Variants in ARMH3 observed in about 807,000 individuals in gnomAD.
The protein encoded by ARMH3 is armadillo like helical domain containing 3, also known as armadillo-like helical domain-containing protein 3.
A neutral mutation model predicts 99.1 loss-of-function variants in ARMH3; 60 were observed. That is an observed-to-expected ratio of 0.61 (90% CI 0.49 to 0.75). ARMH3 has a LOEUF of 0.75. Among genes scored for constraint, ARMH3 ranks in the 30% least tolerant of loss-of-function variants. The pLI, the probability that ARMH3 is intolerant of heterozygous loss-of-function variation, is 0.00. For missense variants in ARMH3, 679 were observed against 843.1 expected, an observed-to-expected ratio of 0.81 and a Z score of 2.41; for synonymous variants, 285 against 292.8, an observed-to-expected ratio of 0.97 and a Z score of 0.27.
At chr10:101,962,308 A>G (rs1296112767) in intron 20 of ARMH3, among the ~76,000 whole-genome samples, 1 of 152,228 alleles carries the variant, frequency 6.6e-6, no homozygotes, top group African/African-American at 2.4e-5. Flanking sequence ...GAAGAGACAC[A>G]TCACAGAGGA....
intron 1 of ARMH3, among the ~76,000 whole-genome samples, chr10:102,048,809 C>T (rs1590238721): frequency 1.3e-5 from 2 of 152,220 alleles, no homozygotes; most frequent in Middle Eastern, 6.8e-3. Context: ...CTAAAAATTC[C>T]CTAGTTTCTC....
intron 22 of ARMH3, among the ~76,000 whole-genome samples, chr10:101,942,428 AC>A (rs1844283353): frequency 6.6e-6 from 1 of 152,194 alleles, no homozygotes; most frequent in African/African-American, 2.4e-5. Context: ...ATTGGTAATT[AC>A]CTTTGATTTT....
At chr10:102,048,243 CCATTT>C (rs1271462996) in intron 1 of ARMH3, among the ~76,000 whole-genome samples, 2 of 152,148 alleles carry the variant, frequency 1.3e-5, no homozygotes, top group East Asian at 3.8e-4. Context: ...GGACTGTAGC[CCATTT>C]CCCCATATGT....
chr10:102,033,386 A>G, intron 2 of ARMH3, 47 bp from the exon 3 acceptor site: 1 of 1,565,724 alleles, frequency 6.4e-7, no homozygotes, highest in Non-Finnish European at 8.7e-7. Flanking sequence ...CTAACACCAA[A>G]AGCATTAAGA....
At chr10:102,015,995 C>T (rs540312428) in intron 8 of ARMH3, among the ~76,000 whole-genome samples, 1 of 152,186 alleles carries the variant, frequency 6.6e-6, no homozygotes, top group Admixed American at 6.5e-5. Context: ...GCTAGCCAGG[C>T]ATAGTGGCAC....
chr10:101,991,880 A>T (rs1846812530), intron 18 of ARMH3, 89 bp downstream of exon 18: 2 of 1,185,140 alleles, frequency 1.7e-6, no homozygotes. Flanking sequence ...TTGCGGAAGA[A>T]GCACATCAAA....
chr10:101,907,664 G>A (rs1169470591), intron 23 of ARMH3, among the ~76,000 whole-genome samples: 23 of 152,128 alleles, frequency 1.5e-4, no homozygotes, highest in African/African-American at 4.8e-4. Flanking sequence ...GATTACAGGC[G>A]TGAGCCACCG....
chr10:101,986,139 A>G (rs976741101), intron 19 of ARMH3, among the ~76,000 whole-genome samples: 1 of 152,186 alleles, frequency 6.6e-6, no homozygotes, highest in African/African-American at 2.4e-5. Flanking sequence ...TCATGCTTGT[A>G]GCAATTTCCT....
intron 1 of ARMH3, among the ~76,000 whole-genome samples, chr10:102,044,777 C>T (rs1251730106): frequency 6.6e-6 from 1 of 151,512 alleles, no homozygotes; most frequent in African/African-American, 2.4e-5. Context: ...AATACTTCAA[C>T]CAGTATAGAA....
At chr10:101,955,233 G>C (rs147844844) in intron 22 of ARMH3, among the ~76,000 whole-genome samples, 6 of 152,308 alleles carry the variant, frequency 3.9e-5, no homozygotes, top group African/African-American at 1.4e-4. Flanking sequence ...ATTTGCTGTT[G>C]CATGGGCAAC....
chr10:101,940,023 A>G lies in ARMH3; in HGVS notation c.1706-85T>C, dbSNP rs1362322634. ...GAATGAAGACACATCTCAGAATAGC[A>G]CTCTCAGAATAACCAAACAAAGCCT... On this transcript the variant is annotated intron_variant, in intron 22 of 25. Transcript: ENST00000370033. The G allele has an allele frequency of 2.8e-6, 3 of 1,053,420 alleles. No individual in the cohort carries two copies. The African/African-American group carries it at 4.7e-5, about 17-fold the overall frequency. The allele number at this position is 1,053,420 out of a possible 1,614,324, so 65.3% of individuals were successfully genotyped here. A position where few individuals can be genotyped will look rare whatever the true frequency, so the allele number is the denominator to read the frequency against.
intron 23 of ARMH3, among the ~76,000 whole-genome samples, chr10:101,927,899 C>T (rs908740658): frequency 5.9e-5 from 9 of 152,116 alleles, no homozygotes; most frequent in Admixed American, 3.3e-4. Flanking sequence ...ATAGTGAAAC[C>T]CCATCTCTAC....
chr10:101,869,726 T>C (rs2067089659), intron 24 of ARMH3, among the ~76,000 whole-genome samples: 3 of 152,058 alleles, frequency 2.0e-5, no homozygotes, highest in Non-Finnish European at 4.4e-5. Context: ...GATAACCATA[T>C]AAATCAATGA....
intron 11 of ARMH3, among the ~76,000 whole-genome samples, chr10:102,010,899 G>A (rs1354445588): frequency 1.3e-5 from 2 of 152,198 alleles, no homozygotes; most frequent in Admixed American, 1.3e-4. Context: ...AGAACAGGCT[G>A]AGAAGGCAGA....
At chr10:101,871,933 G>A (rs571999098) in intron 24 of ARMH3, among the ~76,000 whole-genome samples, 25 of 152,176 alleles carry the variant, frequency 1.6e-4, no homozygotes, top group African/African-American at 5.8e-4. Flanking sequence ...CCCGGAGGCA[G>A]AGGTTGCAGT....
chr10:102,011,857 T>G, intron 10 of ARMH3, 74 bp from the exon 11 acceptor site: 1 of 1,261,050 alleles, frequency 7.9e-7, no homozygotes, highest in Non-Finnish European at 1.1e-6. Context: ...TTTGGGGTAA[T>G]CAGGGCAGAG....
intron 8 of ARMH3, among the ~76,000 whole-genome samples, chr10:102,016,145 TCAAA>T (rs2066746469): frequency 6.6e-6 from 1 of 152,128 alleles, no homozygotes; most frequent in Non-Finnish European, 1.5e-5. Flanking sequence ...GATCAATCAA[TCAAA>T]CAAACATTTG....
intron 23 of ARMH3, among the ~76,000 whole-genome samples, chr10:101,892,232 C>T (rs923719036): frequency 6.6e-6 from 1 of 151,996 alleles, no homozygotes; most frequent in Non-Finnish European, 1.5e-5. Context: ...ATTACTTGAA[C>T]CCAGGAGTTC....
intron 8 of ARMH3, among the ~76,000 whole-genome samples, chr10:102,015,326 A>G (rs917440087): frequency 3.3e-5 from 5 of 152,022 alleles, no homozygotes; most frequent in Non-Finnish European, 5.9e-5. Flanking sequence ...AGAGCAGACC[A>G]CTATTTCTTG....
Sources: allele counts gnomAD v4.1 joint callset (sites outside exome capture counted in the v4.1 genomes callset), GRCh38; gene constraint gnomAD v4.1.1; transcripts MANE v1.5; gene names NCBI Gene and HGNC (gene_info 2026-07-23, HGNC 2026-07-21).